The following PMF1 variants were observed in gnomAD, a reference collection of about 807,000 sequenced individuals.
PMF1 encodes polyamine modulated factor 1.
Under a neutral mutation model 26.7 loss-of-function variants are expected in PMF1, and 21 were observed. The observed-to-expected ratio is 0.79, with a 90% CI of 0.56 to 1.13. The LOEUF (loss-of-function observed/expected upper bound fraction) is 1.13. Among genes scored for constraint, PMF1 ranks in the 50% most tolerant of loss-of-function variants. The probability of loss-of-function intolerance (pLI) is 0.00; values close to 1 mark genes in which losing one functional copy is unlikely to be tolerated. For synonymous variants in PMF1, 105 were observed against 101.0 expected, an observed-to-expected ratio of 1.04 and a Z score of -0.24; for missense variants, 266 against 254.9, an observed-to-expected ratio of 1.04 and a Z score of -0.30.
chr1:156,234,798 C>T (rs867181696), intron 3 of PMF1, among the ~76,000 whole-genome samples: 5 of 152,016 alleles, frequency 3.3e-5, no homozygotes, highest in South Asian at 4.1e-4. Context: ...TGTGAGCCCT[C>T]GCGCCCAGCC....
At chr1:156,228,496 G>T (rs1230984694) in intron 1 of PMF1, among the ~76,000 whole-genome samples, 3 of 151,812 alleles carry the variant, frequency 2.0e-5, no homozygotes, top group Admixed American at 6.6e-5. Context: ...CTGTGTATGA[G>T]TGTGTGTGTT....
At chr1:156,219,789 G>A (rs951264141) in intron 1 of PMF1, among the ~76,000 whole-genome samples, 4 of 151,692 alleles carry the variant, frequency 2.6e-5, no homozygotes, top group Admixed American at 6.6e-5. Flanking sequence ...ATGCTCTGTC[G>A]CCCAGACCGG....
intron 1 of PMF1, 46 bp downstream of exon 1, chr1:156,213,222 C>T (rs1175404276): frequency 1.3e-6 from 2 of 1,598,576 alleles, no homozygotes; most frequent in Non-Finnish European, 1.7e-6. Context: ...GGCACCGAAG[C>T]TCAAATCCCG....
chr1:156,237,326 C>T (rs1279118916), intron 4 of PMF1: 1 of 152,112 alleles, frequency 6.6e-6, no homozygotes, highest in Non-Finnish European at 1.5e-5. Flanking sequence ...ATGTTTATGC[C>T]ATTAAACTAC....
At chr1:156,213,205 G>A (rs768718518) in intron 1 of PMF1, 29 bp downstream of exon 1, 1 of 1,605,580 alleles carries the variant, frequency 6.2e-7, no homozygotes, top group South Asian at 1.1e-5. Context: ...CGGTGGGAGT[G>A]TTTGTTGGCA....
intron 1 of PMF1, among the ~76,000 whole-genome samples, chr1:156,229,600 C>A (rs972793036): frequency 6.7e-6 from 1 of 149,856 alleles, no homozygotes; most frequent in African/African-American, 2.5e-5. Context: ...GATGGAGTGT[C>A]GCTCTTGTTG....
Position 156,236,437 on chromosome 1 carries a change from TGGA to T in PMF1, c.523_525del (p.Glu175del). 6.2e-7 allele frequency: 1 copy of T among 1,613,902 alleles called. No individual in the cohort carries two copies. Among genetic ancestry groups the T allele is most frequent in the Non-Finnish European group, 8.5e-7 (1 of 1,179,890 alleles). On this transcript the variant is annotated inframe_deletion, in exon 4 of 5. Coordinates refer to ENST00000368277, the MANE Select transcript of PMF1 (RefSeq NM_007221.4). Reference sequence around the variant, plus strand: ...GCCGTCCTGGCAGGGCGGAGGCAGGTGGAGGAGCTGCAGCTACAGGTCCAGGCC... The same window carrying T: ...GCCGTCCTGGCAGGGCGGAGGCAGGTGGAGCTGCAGCTACAGGTCCAGGCC...
In PMF1 at chr1:156,239,782, C is replaced by T. The variant is rs1293740015; in HGVS notation, c.*181C>T. On this transcript the variant is annotated 3_prime_UTR_variant, in exon 5 of 5. Transcript: ENST00000368277. ...TCACTGCCACTGTGCCTTTGGGGCACCCTTGGGGTTGGACATACACCCCCT... is the reference window on the plus strand; with the variant it reads ...TCACTGCCACTGTGCCTTTGGGGCATCCTTGGGGTTGGACATACACCCCCT... 15 of 585,936 alleles carry T rather than the reference C, an allele frequency of 2.6e-5. No homozygotes were observed. The highest frequency in any genetic ancestry group is 3.7e-5 in the African/African-American group (2 of 53,520). The allele number at this position is 585,936 out of a possible 1,614,324, so 36.3% of individuals were successfully genotyped here.
intron 1 of PMF1, among the ~76,000 whole-genome samples, chr1:156,231,574 G>T (rs1658709733): frequency 6.6e-6 from 1 of 151,818 alleles, no homozygotes. Flanking sequence ...GTGGTGGCGG[G>T]TGCCTGTAAT....
chr1:156,232,884 C>T (rs11808546), intron 2 of PMF1, among the ~76,000 whole-genome samples: 6,051 of 149,250 alleles, frequency 0.041, 440 homozygotes, highest in African/African-American at 0.14. Flanking sequence ...CACTTTAGGC[C>T]GGTACAGTGG....
Position 156,236,375 on chromosome 1 carries a change from G to A in PMF1, c.456G>A (p.Val152=), listed in dbSNP as rs1440000051. The A allele has an allele frequency of 3.1e-6, 5 of 1,614,142 alleles. No homozygotes were observed. The highest frequency in any genetic ancestry group is 4.2e-6 in the Non-Finnish European group (5 of 1,180,050). The change falls in exon 4 of 5, where the codon GTG becomes GTA. Residue 152 remains valine (V), a synonymous_variant. Transcript: ENST00000368277. The part of the protein sequence containing the change: ...LQQRDTLRRH[V]QKQEAENQQL... ...AACGGGACACCCTGCGGCGCCATGTGCAGAAACAGGAGGCCGAGAACCAGC... is the reference window on the plus strand; with the variant it reads ...AACGGGACACCCTGCGGCGCCATGTACAGAAACAGGAGGCCGAGAACCAGC...
chr1:156,233,573 T>A, intron 2 of PMF1, 55 bp from the exon 3 acceptor site: 1 of 1,572,988 alleles, frequency 6.4e-7, no homozygotes. Flanking sequence ...GTTTAGCATA[T>A]TTTTGCCATG....
chr1:156,215,988 A>G (rs1014631919), intron 1 of PMF1, among the ~76,000 whole-genome samples: 3 of 152,212 alleles, frequency 2.0e-5, no homozygotes, highest in African/African-American at 4.8e-5. Context: ...GACAGTGTCA[A>G]TAAATTTGTT....
At position 156,213,170 on chromosome 1, in the gene PMF1, C is replaced by T. The variant is rs377154093; in HGVS notation, c.155C>T (p.Ala52Val). The T allele has an allele frequency of 6.2e-7, 1 of 1,612,810 alleles. No individual in the cohort carries two copies. The highest frequency in any genetic ancestry group is 8.5e-7 in the Non-Finnish European group (1 of 1,178,910). The change falls in exon 1 of 5, where the codon GCC (alanine) becomes GTC (valine). Residue 52 changes from alanine to valine, a missense_variant. Ala to Val is a moderately conservative substitution (Grantham distance 64). Coordinates refer to ENST00000368277, the MANE Select transcript of PMF1 (RefSeq NM_007221.4). Reference protein sequence around the residue: ...VDTFLQKLVAAGSYQRFTDCY... With the variant: ...VDTFLQKLVAVGSYQRFTDCY... ...ACTTTTCTTCAGAAGCTGGTCGCCG[C>T]CGGCAGGTAAAGTGGACGCAGCCGC...
chr1:156,218,181 T>C (rs1264969217), intron 1 of PMF1, among the ~76,000 whole-genome samples: 1 of 152,242 alleles, frequency 6.6e-6, no homozygotes, highest in Non-Finnish European at 1.5e-5. Context: ...AACTGCCTGC[T>C]CATTTCCTCC....
At chr1:156,221,317 C>G (rs928555902) in intron 1 of PMF1, among the ~76,000 whole-genome samples, 15 of 152,192 alleles carry the variant, frequency 9.9e-5, no homozygotes, top group African/African-American at 3.1e-4. Context: ...CCTGCCTTGG[C>G]ATCTGCACTT....
chr1:156,232,467 C>A, intron 2 of PMF1, 42 bp downstream of exon 2: 1 of 1,592,948 alleles, frequency 6.3e-7, no homozygotes, highest in South Asian at 1.1e-5. Flanking sequence ...GACTTGGGTT[C>A]TGTCTCCAGA....
intron 4 of PMF1, chr1:156,236,704 T>C (rs1659038976): frequency 4.7e-6 from 3 of 633,364 alleles, no homozygotes; most frequent in East Asian, 5.6e-5. Context: ...GGCACAGGCA[T>C]GTGTTCCCCT....
At chr1:156,219,877 G>A (rs1474227268) in intron 1 of PMF1, among the ~76,000 whole-genome samples, 3 of 152,042 alleles carry the variant, frequency 2.0e-5, no homozygotes, top group African/African-American at 7.2e-5. Context: ...AGCCTCCCGA[G>A]TAGCTGGGAC....
Sources: allele counts gnomAD v4.1 joint callset (sites outside exome capture counted in the v4.1 genomes callset), GRCh38; gene constraint gnomAD v4.1.1; transcripts MANE v1.5; gene names NCBI Gene and HGNC (gene_info 2026-07-23, HGNC 2026-07-21).